The following RASGRF1 variants were observed in gnomAD, a reference collection of about 807,000 sequenced individuals.
RASGRF1 encodes the protein ras-specific guanine nucleotide-releasing factor 1.
A neutral mutation model predicts 138.7 loss-of-function variants in RASGRF1; 40 were observed. That is an observed-to-expected ratio of 0.29 (90% CI 0.22 to 0.38). The LOEUF (loss-of-function observed/expected upper bound fraction) is 0.38. Ranked by LOEUF, RASGRF1 falls within the 10% of genes least tolerant of loss-of-function variation. RASGRF1 has a pLI of 1.00. For missense variants in RASGRF1, 1,108 were observed against 1,650.4 expected (o/e 0.67, Z 5.69); for synonymous variants, 614 against 663.2 (o/e 0.93, Z 1.14).
intron 26 of RASGRF1, among the ~76,000 whole-genome samples, chr15:78,968,470 C>A (rs1012011778): frequency 6.6e-6 from 1 of 151,952 alleles, no homozygotes; most frequent in Non-Finnish European, 1.5e-5. Context: ...GAGATAGGAT[C>A]TCTGATCTCC....
chr15:79,077,933 T>A (rs901203772), intron 1 of RASGRF1, among the ~76,000 whole-genome samples: 10 of 152,038 alleles, frequency 6.6e-5, no homozygotes, highest in Non-Finnish European at 1.5e-4. Context: ...CGGGGATAGA[T>A]GCTACCACTC....
chr15:78,997,599 G>C (rs901276768), intron 19 of RASGRF1, among the ~76,000 whole-genome samples: 5 of 152,034 alleles, frequency 3.3e-5, no homozygotes, highest in Admixed American at 6.5e-5. Context: ...AGCTGGGCGT[G>C]GTGGCAGGTG....
At position 79,027,203 on chromosome 15, in the gene RASGRF1, C is replaced by T. The variant is rs544610812; in HGVS notation, c.1381+538G>A. Among the ~76,000 whole-genome samples, 23 of 152,296 alleles carry T rather than the reference C, an allele frequency of 1.5e-4. No individual in the cohort carries two copies. The highest frequency in any genetic ancestry group is 2.1e-4 in the South Asian group (1 of 4,814). ...GAGAGCCTTCACCCACCCCTCTCAACGGGGCCGTGCCTCTCAAACACTGCT... is the reference window on the plus strand; with the variant it reads ...GAGAGCCTTCACCCACCCCTCTCAATGGGGCCGTGCCTCTCAAACACTGCT... On this transcript the variant is annotated intron_variant, in intron 9 of 26. Coordinates refer to ENST00000558480, the MANE Select transcript of RASGRF1 (RefSeq NM_001145648.3). The surrounding 1 kb of genome is among the most constrained non-coding windows in gnomAD (Gnocchi z 4.8).
At chr15:79,076,151 T>C (rs2057830674) in intron 1 of RASGRF1, among the ~76,000 whole-genome samples, 1 of 152,192 alleles carries the variant, frequency 6.6e-6, no homozygotes, top group African/African-American at 2.4e-5. Flanking sequence ...CATTCTCAAC[T>C]CATATCATAA....
intron 2 of RASGRF1, among the ~76,000 whole-genome samples, chr15:79,062,483 T>C (rs531475360): frequency 3.3e-5 from 5 of 152,350 alleles, no homozygotes; most frequent in East Asian, 1.9e-4. Flanking sequence ...GATCCAGTTA[T>C]GGTCTGGTTG....
intron 8 of RASGRF1, among the ~76,000 whole-genome samples, chr15:79,028,919 C>T (rs1016621848): frequency 2.0e-5 from 3 of 152,232 alleles, no homozygotes; most frequent in Non-Finnish European, 4.4e-5. Context: ...ATTGACCAGA[C>T]TCCTCAATCC....
chr15:79,064,668 C>A (rs2057653164), intron 1 of RASGRF1, 142 bp from the exon 2 acceptor site: 3 of 773,376 alleles, frequency 3.9e-6, no homozygotes, highest in Non-Finnish European at 4.4e-6. Context: ...AATCAGAATG[C>A]CATTCTATTT....
intron 1 of RASGRF1, among the ~76,000 whole-genome samples, chr15:79,077,504 C>A (rs2057850308): frequency 6.6e-6 from 1 of 152,174 alleles, no homozygotes; most frequent in East Asian, 1.9e-4. Flanking sequence ...CATGCATGAG[C>A]ATTCATATGC....
chr15:79,040,650 C>G (rs1450812160), intron 5 of RASGRF1, among the ~76,000 whole-genome samples: 1 of 88,536 alleles, frequency 1.1e-5, no homozygotes, highest in African/African-American at 3.8e-5. Flanking sequence ...AGAGCGAGAG[C>G]TAGAGAGAGA....
intron 1 of RASGRF1, among the ~76,000 whole-genome samples, chr15:79,066,650 C>T (rs545082687): frequency 4.5e-4 from 69 of 152,244 alleles, no homozygotes; most frequent in Non-Finnish European, 7.5e-4. Context: ...GACTTCTTCC[C>T]AATCAGCCCT....
chr15:78,984,832 CCTG>C, intron 23 of RASGRF1, 172 bp downstream of exon 23: 1 of 678,468 alleles, frequency 1.5e-6, no homozygotes, highest in African/African-American at 1.8e-5. Flanking sequence ...TATCTGTGGG[CCTG>C]CTATCTGGTC....
At chr15:79,022,117 G>A (rs2056969433) in intron 10 of RASGRF1, among the ~76,000 whole-genome samples, 1 of 152,166 alleles carries the variant, frequency 6.6e-6, no homozygotes, top group Admixed American at 6.5e-5. Flanking sequence ...CTGATTCCAT[G>A]CTCTTTGCCA....
In RASGRF1 at chr15:79,046,352, A is replaced by G. The variant is rs1330943482; in HGVS notation, c.878+394T>C. ...GCACTACTGACATTGTAGTTGGAAT[A>G]ATTCTTTGTTGATGGGGAACTGTCC... On this transcript the variant is annotated intron_variant, in intron 5 of 26. Coordinates refer to ENST00000558480, the MANE Select transcript of RASGRF1 (RefSeq NM_001145648.3). The surrounding 1 kb of genome is among the most constrained non-coding windows in gnomAD (Gnocchi z 5.3). 6.6e-6 allele frequency among the ~76,000 whole-genome samples: 1 copy of G among 152,204 alleles called. No homozygotes were observed. Among genetic ancestry groups the G allele is most frequent in the African/African-American group, 2.4e-5 (1 of 41,448 alleles).
In RASGRF1 at chr15:79,004,294, C is replaced by T. The variant is rs2056621963; in HGVS notation, c.2076-119G>A. 4.7e-6 allele frequency: 6 copies of T among 1,290,060 alleles called. No individual in the cohort carries two copies. In the South Asian group the frequency reaches 7.4e-5, roughly 16 times the overall value. The allele number at this position is 1,290,060 out of a possible 1,614,324, so 79.9% of individuals were successfully genotyped here. A position where few individuals can be genotyped will look rare whatever the true frequency, so the allele number is the denominator to read the frequency against. ...GCAACGGCTCCATCATTCTTAGGAT[C>T]CCTGAAACCCATACTTGAGCTGATC... is the stretch of plus-strand genomic sequence containing the variant. On this transcript the variant is annotated intron_variant, in intron 14 of 26. Coordinates refer to ENST00000558480, the MANE Select transcript of RASGRF1 (RefSeq NM_001145648.3).
intron 3 of RASGRF1, among the ~76,000 whole-genome samples, chr15:79,051,096 T>C (rs1400325243): frequency 1.3e-5 from 2 of 152,206 alleles, no homozygotes; most frequent in African/African-American, 4.8e-5. Context: ...TGTCTAAAGA[T>C]AGTAGCTCAG....
At chr15:79,021,133 C>G (rs573176908) in intron 10 of RASGRF1, among the ~76,000 whole-genome samples, 16 of 152,202 alleles carry the variant, frequency 1.1e-4, no homozygotes, top group Non-Finnish European at 2.2e-4. Flanking sequence ...GACTGCAAAC[C>G]CCTGAAATGC....
intron 26 of RASGRF1, among the ~76,000 whole-genome samples, chr15:78,969,615 A>G (rs141986053): frequency 0.021 from 3,261 of 152,112 alleles, 110 homozygotes; most frequent in African/African-American, 0.074. Context: ...GTTGCAGTGA[A>G]CTGAGATCGC....
chr15:79,013,724 T>G (rs8036953), intron 13 of RASGRF1, among the ~76,000 whole-genome samples: 74,419 of 151,044 alleles, frequency 0.49, 19,070 homozygotes, highest in East Asian at 0.83. Flanking sequence ...CAGGAAGGAG[T>G]GTGTGGTGAG....
intron 19 of RASGRF1, chr15:78,997,873 A>G: frequency 3.5e-6 from 2 of 568,660 alleles, no homozygotes; most frequent in Non-Finnish European, 6.3e-6. Flanking sequence ...GAAGAGATCA[A>G]GGTCTGGCGC....
Sources: gnomAD v4.1 joint callset for allele counts (sites outside exome capture counted in the v4.1 genomes callset) on GRCh38, gnomAD v4.1.1 for gene constraint, Gnocchi (gnomAD v3.1) non-coding constraint, MANE v1.5 for transcripts, NCBI Gene and HGNC (gene_info 2026-07-23, HGNC 2026-07-21) for gene names.